HMMR: variants seen among roughly 807,000 people sequenced by gnomAD.
HMMR encodes hyaluronan mediated motility receptor, also known as intracellular hyaluronic acid-binding protein.
HMMR carries 108 observed loss-of-function variants against 101.0 expected under a neutral mutation model. The observed-to-expected ratio is 1.07, with a 90% CI of 0.92 to 1.25. HMMR has a LOEUF of 1.25. HMMR is among the 50% of genes most tolerant of loss of function. The probability of loss-of-function intolerance (pLI) is 0.00; values close to 1 mark genes in which losing one functional copy is unlikely to be tolerated. For missense variants in HMMR, 813 were observed against 788.7 expected, an observed-to-expected ratio of 1.03 and a Z score of -0.37; for synonymous variants, 296 against 276.4, an observed-to-expected ratio of 1.07 and a Z score of -0.70.
chr5:163,470,191 A>G lies in HMMR; in HGVS notation c.462+362A>G, dbSNP rs144150398. Among the ~76,000 whole-genome samples, 19 of 152,122 alleles carry G rather than the reference A, an allele frequency of 1.2e-4. 1 individual carries two copies. In the East Asian group the frequency reaches 3.3e-3, roughly 26 times the overall value. ...TCAAAAAACAAAACAAAACAAAACAACATACACCAGGCGATTCAGATTCAT... is the reference window on the plus strand; with the variant it reads ...TCAAAAAACAAAACAAAACAAAACAGCATACACCAGGCGATTCAGATTCAT... On this transcript the variant is annotated intron_variant, in intron 5 of 17. Transcript: ENST00000393915.
intron 11 of HMMR, 59 bp from the exon 12 acceptor site, chr5:163,478,625 C>A (rs1759147642): frequency 1.0e-6 from 1 of 959,272 alleles, no homozygotes; most frequent in East Asian, 2.4e-5. Context: ...ATACTATTTT[C>A]TTTCTTAGGG....
chr5:163,468,718 G>A (rs1291750828), intron 4 of HMMR, among the ~76,000 whole-genome samples: 1 of 152,064 alleles, frequency 6.6e-6, no homozygotes. Flanking sequence ...TGAGATAGCT[G>A]GTAAGTGAGT....
Position 163,475,590 on chromosome 5 carries a change from G to A in HMMR, c.1186G>A (p.Ala396Thr). The A allele has an allele frequency of 6.2e-7, 1 of 1,613,136 alleles. No homozygotes were observed. Among genetic ancestry groups the A allele is most frequent in the Non-Finnish European group, 8.5e-7 (1 of 1,179,314 alleles). The change falls in exon 11 of 18, where the codon GCT (alanine) becomes ACT (threonine). Residue 396 changes from alanine to threonine, a missense_variant. Coordinates refer to ENST00000393915, the MANE Select transcript of HMMR (RefSeq NM_001142556.2). ...TAAATTACAGCAAAAGGAGGAACAA[G>A]CTGAAAGGCTGGTCAAGCAATTGGA... The part of the protein sequence containing the change: ...LDKLQQKEEQ[A>T]ERLVKQLEEE...
intron 1 of HMMR, among the ~76,000 whole-genome samples, chr5:163,463,634 G>A (rs1364143629): frequency 7.2e-5 from 11 of 152,142 alleles, no homozygotes; most frequent in Admixed American, 2.0e-4. Context: ...CGTTTGCTCA[G>A]TTGCCTGTGT....
chr5:163,483,325 T>C lies in HMMR; in HGVS notation c.1743T>C (p.Arg581=), dbSNP rs1306570771. 2 of 1,609,330 alleles carry C rather than the reference T, an allele frequency of 1.2e-6. No individual in the cohort carries two copies. Among genetic ancestry groups the C allele is most frequent in the Admixed American group, 1.7e-5 (1 of 59,912 alleles). ...AELTEEINKW[R]LLYEELYNKT... Reference sequence around the variant, plus strand: ...TAACTGAAGAAATTAACAAGTGGCGTCTCCTCTATGAAGAACTATATAATA... The same window carrying C: ...TAACTGAAGAAATTAACAAGTGGCGCCTCCTCTATGAAGAACTATATAATA... Residue 581 remains arginine (R), a synonymous_variant, in exon 15 of 18, where the codon CGT becomes CGC. Coordinates refer to ENST00000393915, the MANE Select transcript of HMMR (RefSeq NM_001142556.2).
chr5:163,475,123 A>G (rs1759026989), intron 10 of HMMR, among the ~76,000 whole-genome samples: 1 of 152,006 alleles, frequency 6.6e-6, no homozygotes, highest in Admixed American at 6.6e-5. Flanking sequence ...GTAATATGGA[A>G]ATCACCACAC....
chr5:163,471,287 G>A lies in HMMR; in HGVS notation c.549+16G>A, dbSNP rs1480127340. ...AAAGATGAGGGTGAGTGCTGCCCTT[G>A]GCAGGTTTGCTGTGTCTGGATCTGG... On this transcript the variant is annotated intron_variant, in intron 6 of 17. Coordinates refer to ENST00000393915, the MANE Select transcript of HMMR (RefSeq NM_001142556.2). 1.9e-6 allele frequency: 3 copies of A among 1,607,956 alleles called. No homozygotes were observed. The highest frequency in any genetic ancestry group is 2.6e-6 in the Non-Finnish European group (3 of 1,174,444).
At chr5:163,473,111 A>G in intron 7 of HMMR, 68 bp from the exon 8 acceptor site, 2 of 803,742 alleles carry the variant, frequency 2.5e-6, no homozygotes, top group South Asian at 1.5e-5. Flanking sequence ...TATCTGGTAC[A>G]TAAGCATTAT....
chr5:163,470,041 G>A (rs1014846039), intron 5 of HMMR: 6 of 358,172 alleles, frequency 1.7e-5, no homozygotes, highest in East Asian at 1.2e-4. Flanking sequence ...ATTGGCGGGC[G>A]CCTGTAATCT....
At chr5:163,480,473 G>A (rs182397677) in intron 12 of HMMR, among the ~76,000 whole-genome samples, 3 of 152,106 alleles carry the variant, frequency 2.0e-5, no homozygotes, top group East Asian at 1.9e-4. Context: ...TTCATTCTTT[G>A]GACTTTGAGT....
chr5:163,489,687 C>G (rs1381344081), intron 16 of HMMR, among the ~76,000 whole-genome samples: 1 of 152,118 alleles, frequency 6.6e-6, no homozygotes, highest in Non-Finnish European at 1.5e-5. Flanking sequence ...CAAGGTGAGC[C>G]CCTGTTCCAT....
intron 1 of HMMR, 47 bp from the exon 2 acceptor site, chr5:163,463,809 T>C: frequency 1.4e-6 from 1 of 715,852 alleles, no homozygotes; most frequent in East Asian, 3.4e-5. Flanking sequence ...TAACTTAAGA[T>C]CATAAGTAAC....
At chr5:163,491,078 G>A (rs1218600066) in intron 17 of HMMR, 34 bp from the exon 18 acceptor site, 2 of 1,345,884 alleles carry the variant, frequency 1.5e-6, no homozygotes, top group Non-Finnish European at 2.1e-6. Flanking sequence ...TTTTAATCTA[G>A]ATTACTAATC....
In HMMR at chr5:163,477,015, A is replaced by T. The variant is rs537535710; in HGVS notation, c.1268+1343A>T. 3.9e-5 allele frequency among the ~76,000 whole-genome samples: 6 copies of T among 152,344 alleles called. No individual in the cohort carries two copies. In the South Asian group the frequency reaches 1.2e-3, roughly 32 times the overall value. ...CACTGCACTCCAGCCTGGGCGACAG[A>T]GGGAGACTGTGTCCCAAAAACAAAA... is the stretch of plus-strand genomic sequence containing the variant. On this transcript the variant is annotated intron_variant, in intron 11 of 17. Coordinates refer to ENST00000393915, the MANE Select transcript of HMMR (RefSeq NM_001142556.2).
chr5:163,489,774 G>C (rs1282132843), intron 16 of HMMR, among the ~76,000 whole-genome samples: 1 of 152,192 alleles, frequency 6.6e-6, no homozygotes, highest in Non-Finnish European at 1.5e-5. Context: ...GCCACAGGGA[G>C]CTGGGGACAA....
At chr5:163,470,014 A>G in intron 5 of HMMR, 185 bp downstream of exon 5, 2 of 437,370 alleles carry the variant, frequency 4.6e-6, no homozygotes, top group Non-Finnish European at 8.1e-6. Context: ...CTAAAAATAC[A>G]AAAATTAGCT....
In HMMR at chr5:163,473,558, G is replaced by T. The variant is rs374532508; in HGVS notation, c.904+1G>T. The stretch of plus-strand genomic sequence containing the variant: ...TGTCAGCTGCTTGAAAAAGAAAAAG[G>T]TATTACAGTGTTTTATAGTTACTTT... On this transcript the variant is annotated splice_donor_variant, in intron 9 of 17. Transcript: ENST00000393915. LOFTEE classifies it high-confidence loss of function. 10 of 1,539,420 alleles carry T rather than the reference G, an allele frequency of 6.5e-6. No homozygotes were observed. Among genetic ancestry groups the T allele is most frequent in the Non-Finnish European group, 8.8e-6 (10 of 1,132,750 alleles).
At chr5:163,463,990 T>C (rs1452227290) in intron 2 of HMMR, 36 bp downstream of exon 2, 1 of 676,000 alleles carries the variant, frequency 1.5e-6, no homozygotes, top group East Asian at 3.2e-5. Context: ...GGTTATGTGA[T>C]CTTATAAGTT....
In HMMR at chr5:163,483,106, A is replaced by T; in HGVS notation, c.1619A>T (p.Asp540Val). Residue 540 changes from aspartate to valine, a missense_variant, in exon 14 of 18, where the codon GAT becomes GTT. Physicochemically the swap from Asp to Val is radical, Grantham distance 152. Coordinates refer to ENST00000393915, the MANE Select transcript of HMMR (RefSeq NM_001142556.2). The part of the protein sequence containing the change: ...ITVSFLQKIT[D>V]LQNQLKQQEE... ...GTTTCTTTTCTTCAAAAAATAACTG[A>T]TTTGCAGAACCAACTCAAGCAACAG... The T allele has an allele frequency of 6.2e-7, 1 of 1,612,814 alleles. No individual in the cohort carries two copies. The highest frequency in any genetic ancestry group is 8.5e-7 in the Non-Finnish European group (1 of 1,179,346).
Sources: allele counts gnomAD v4.1 joint callset (sites outside exome capture counted in the v4.1 genomes callset), GRCh38; gene constraint gnomAD v4.1.1; transcripts MANE v1.5; gene names NCBI Gene and HGNC (gene_info 2026-07-23, HGNC 2026-07-21).